Variants in ZSWIM9 observed in about 807,000 individuals in gnomAD.
The protein encoded by ZSWIM9 is uncharacterized protein ZSWIM9.
A neutral mutation model predicts 25.0 loss-of-function variants in ZSWIM9; 11 were observed. That is an observed-to-expected ratio of 0.44 (90% CI 0.28 to 0.73). The LOEUF is 0.73. Ranked by LOEUF, ZSWIM9 falls within the 30% of genes least tolerant of loss-of-function variation. The probability of loss-of-function intolerance (pLI) is 0.16; values close to 1 mark genes in which losing one functional copy is unlikely to be tolerated. For missense variants in ZSWIM9, 1,070 were observed against 1,296.5 expected (o/e 0.83, Z 2.68); for synonymous variants, 562 against 582.1 (o/e 0.97, Z 0.50).
At chr19:48,185,589 C>A (rs531053480) in intron 3 of ZSWIM9, among the ~76,000 whole-genome samples, 2 of 152,358 alleles carry the variant, frequency 1.3e-5, no homozygotes, top group African/African-American at 4.8e-5. Flanking sequence ...TCCTGTCCCC[C>A]AGGTCCCCTC....
At chr19:48,174,266 A>G (rs762794945) in intron 2 of ZSWIM9, among the ~76,000 whole-genome samples, 3 of 151,972 alleles carry the variant, frequency 2.0e-5, no homozygotes, top group Non-Finnish European at 4.4e-5. Flanking sequence ...ACTTTGGGCA[A>G]TGGACTTCAC....
In ZSWIM9 at chr19:48,192,498, T is replaced by TATATACAC. The variant is rs369454865; in HGVS notation, c.589-2154_589-2153insTATACACA. Among the ~76,000 whole-genome samples the TATATACAC allele has an allele frequency of 7.2e-4, 15 of 20,750 alleles. 1 individual carries two copies. The highest frequency in any genetic ancestry group is 1.8e-3 in the East Asian group (1 of 570). The allele number at this position is 20,750 out of a possible 152,430, so 13.6% of individuals were successfully genotyped here. A position where few individuals can be genotyped will look rare whatever the true frequency, so the allele number is the denominator to read the frequency against. ...AAAAAAAAATATATATATATATATA[T>TATATACAC]ACACACACACACACACACACATTTA... On this transcript the variant is annotated intron_variant, in intron 3 of 3. Transcript: ENST00000614654.
intron 2 of ZSWIM9, among the ~76,000 whole-genome samples, chr19:48,174,373 A>G (rs2036871856): frequency 6.6e-6 from 1 of 152,044 alleles, no homozygotes; most frequent in African/African-American, 2.4e-5. Flanking sequence ...CATACATGAG[A>G]AAAACACATA....
chr19:48,178,637 C>T (rs773175269), intron 2 of ZSWIM9, among the ~76,000 whole-genome samples: 3 of 151,720 alleles, frequency 2.0e-5, no homozygotes, highest in African/African-American at 4.8e-5. Context: ...AGTGCAGTGG[C>T]GCGATCTCGG....
intron 3 of ZSWIM9, chr19:48,187,537 AT>A (rs1218253632): frequency 4.5e-5 from 3 of 66,930 alleles, no homozygotes; most frequent in East Asian, 3.8e-4. Context: ...TTATATTATT[AT>A]TATATTATAT....
At chr19:48,190,508 C>G (rs180811270) in intron 3 of ZSWIM9, 31 of 154,970 alleles carry the variant, frequency 2.0e-4, no homozygotes, top group Admixed American at 1.2e-3. Flanking sequence ...TATCTGGCAG[C>G]GGTGGCTGCG....
Position 48,195,680 on chromosome 19 carries a change from G to C in ZSWIM9, c.1616G>C (p.Gly539Ala), listed in dbSNP as rs1433487894. ...ENQKPRGLEG[G>A]VLRGSKLEKG... Reference sequence around the variant, plus strand: ...CAGAAGCCGAGGGGACTGGAAGGGGGTGTCTTGAGAGGGTCGAAGTTAGAG... The same window carrying C: ...CAGAAGCCGAGGGGACTGGAAGGGGCTGTCTTGAGAGGGTCGAAGTTAGAG... The change falls in exon 4 of 4, where the codon GGT becomes GCT. Residue 539 changes from glycine (G) to alanine (A), a missense_variant. By Grantham distance (60) the Gly-to-Ala change is moderately conservative. Coordinates refer to ENST00000614654, the MANE Select transcript of ZSWIM9 (RefSeq NM_199341.4). This position sits in a 1 kb window ranked among gnomAD's most constrained non-coding sequence, Gnocchi z 5.8. The C allele has an allele frequency of 6.9e-7, 1 of 1,447,314 alleles. No homozygotes were observed. The highest frequency in any genetic ancestry group is 2.7e-5 in the Admixed American group (1 of 36,798). 89.7% of individuals were successfully genotyped at this position (1,447,314 alleles called of 1,614,324 possible).
chr19:48,187,980 A>G (rs2037051667), intron 3 of ZSWIM9, among the ~76,000 whole-genome samples: 1 of 150,770 alleles, frequency 6.6e-6, no homozygotes, highest in South Asian at 2.1e-4. Flanking sequence ...AGATAGATAG[A>G]TAGATAGACA....
At chr19:48,189,014 G>A (rs547853113) in intron 3 of ZSWIM9, among the ~76,000 whole-genome samples, 13 of 152,150 alleles carry the variant, frequency 8.5e-5, no homozygotes, top group African/African-American at 3.1e-4. Flanking sequence ...CTGGGTGACA[G>A]AGCGAGACTC....
rs1017907211 is a variant in ZSWIM9 at position 48,176,742 on chromosome 19, TG to T, written c.275+4669del. The stretch of plus-strand genomic sequence containing the variant: ...GTGGTTTTAGATGCTGGGATTTCTG[TG>T]GGGAGCGTACATTACAGATGGACAT... On this transcript the variant is annotated intron_variant, in intron 2 of 3. Transcript: ENST00000614654. Among the ~76,000 whole-genome samples the T allele has an allele frequency of 7.9e-5, 12 of 151,892 alleles. 1 individual carries two copies.
At chr19:48,183,829 G>C (rs766514329) in intron 3 of ZSWIM9, among the ~76,000 whole-genome samples, 1 of 144,140 alleles carries the variant, frequency 6.9e-6, no homozygotes, top group East Asian at 2.1e-4. Context: ...AGAGATGTTT[G>C]GCGGGGGGGG....
In ZSWIM9 at chr19:48,194,796, G is replaced by C. The variant is rs973855998; in HGVS notation, c.732G>C (p.Leu244=). Residue 244 remains leucine (L), a synonymous_variant, in exon 4 of 4, where the codon CTG becomes CTC. Coordinates refer to ENST00000614654, the MANE Select transcript of ZSWIM9 (RefSeq NM_199341.4). The surrounding 1 kb of genome is among the most constrained non-coding windows in gnomAD (Gnocchi z 6.0). ...LPGLQGALDL[L]AVLCVDGSGR... is the part of the protein sequence containing the mutation. ...GGCTGCAGGGCGCGCTGGATCTGCT[G>C]GCCGTGCTGTGCGTGGACGGCTCGG... is the stretch of plus-strand genomic sequence containing the variant. 2.6e-6 allele frequency: 4 copies of C among 1,530,612 alleles called. No homozygotes were observed. In the African/African-American group the frequency reaches 4.1e-5, roughly 16 times the overall value. The allele number at this position is 1,530,612 out of a possible 1,614,324, so 94.8% of individuals were successfully genotyped here. A position where few individuals can be genotyped will look rare whatever the true frequency, so the allele number is the denominator to read the frequency against.
chr19:48,187,514 T>C (rs1328790202), intron 3 of ZSWIM9, among the ~76,000 whole-genome samples: 2 of 72,786 alleles, frequency 2.7e-5, no homozygotes, highest in African/African-American at 5.7e-5. Context: ...TATTATATTA[T>C]ATATATTATA....
Position 48,194,961 on chromosome 19 carries a change from G to A in ZSWIM9, c.897G>A (p.Ala299=), listed in dbSNP as rs1181546416. The A allele has an allele frequency of 1.5e-6, 2 of 1,329,520 alleles. No individual in the cohort carries two copies. The highest frequency in any genetic ancestry group is 1.9e-6 in the Non-Finnish European group (2 of 1,042,068). 82.4% of individuals were successfully genotyped at this position (1,329,520 alleles called of 1,614,324 possible). The change falls in exon 4 of 4, where the codon GCG becomes GCA. Residue 299 remains alanine, a synonymous_variant. Transcript: ENST00000614654. This position sits in a 1 kb window ranked among gnomAD's most constrained non-coding sequence, Gnocchi z 6.0. The part of the protein sequence containing the change: ...VRCLTAGPEV[A]AQLPAVRQLL... Reference sequence around the variant, plus strand: ...GCCTCACCGCCGGGCCCGAGGTGGCGGCGCAGTTGCCTGCAGTGCGCCAGC... The same window carrying A: ...GCCTCACCGCCGGGCCCGAGGTGGCAGCGCAGTTGCCTGCAGTGCGCCAGC...
chr19:48,181,992 T>C (rs760457070), intron 2 of ZSWIM9: 1 of 155,900 alleles, frequency 6.4e-6, no homozygotes, highest in Non-Finnish European at 1.4e-5. Flanking sequence ...AGGGCAGCGT[T>C]CACAGAAGGC....
At chr19:48,181,314 G>A (rs1273207464) in intron 2 of ZSWIM9, 3 of 152,156 alleles carry the variant, frequency 2.0e-5, no homozygotes, top group Non-Finnish European at 4.4e-5. Context: ...TAACGATAGA[G>A]GTTAACTTTG....
intron 2 of ZSWIM9, among the ~76,000 whole-genome samples, chr19:48,173,591 G>A (rs1033365169): frequency 3.3e-5 from 5 of 152,030 alleles, no homozygotes; most frequent in African/African-American, 9.7e-5. Context: ...TTACAGGCAT[G>A]AGCCACCACA....
At chr19:48,178,520 G>A (rs564246659) in intron 2 of ZSWIM9, among the ~76,000 whole-genome samples, 16 of 152,150 alleles carry the variant, frequency 1.1e-4, no homozygotes, top group Non-Finnish European at 2.1e-4. Context: ...GGCAGTCTGT[G>A]TTACAAGGGT....
chr19:48,173,208 CTG>C (rs982805903), intron 2 of ZSWIM9, among the ~76,000 whole-genome samples: 3 of 152,230 alleles, frequency 2.0e-5, no homozygotes, highest in South Asian at 2.1e-4. Context: ...TTCCCTACAA[CTG>C]TGCAAAGAGG....
Sources: allele counts gnomAD v4.1 joint callset (sites outside exome capture counted in the v4.1 genomes callset), GRCh38; gene constraint gnomAD v4.1.1; non-coding constraint Gnocchi (gnomAD v3.1); transcripts MANE v1.5; gene names NCBI Gene and HGNC (gene_info 2026-07-23, HGNC 2026-07-21).